Variants in PTPRM observed in about 807,000 individuals in gnomAD.
The protein encoded by PTPRM is protein tyrosine phosphatase receptor type M, also known as receptor-type tyrosine-protein phosphatase mu.
A neutral mutation model predicts 186.7 loss-of-function variants in PTPRM; 47 were observed. The ratio of observed to expected loss-of-function variants is 0.25; its 90% CI spans 0.20 to 0.32. The LOEUF is 0.32. Ranked by LOEUF, PTPRM falls within the 10% of genes least tolerant of loss-of-function variation. The probability of loss-of-function intolerance (pLI) is 1.00; values close to 1 mark genes in which losing one functional copy is unlikely to be tolerated. For missense variants in PTPRM, 1,494 were observed against 1,865.0 expected, an observed-to-expected ratio of 0.80 and a Z score of 3.66; for synonymous variants, 668 against 674.9, an observed-to-expected ratio of 0.99 and a Z score of 0.16.
chr18:8,145,340 T>C (rs1372992910), intron 14 of PTPRM, among the ~76,000 whole-genome samples: 1 of 152,182 alleles, frequency 6.6e-6, no homozygotes, highest in Admixed American at 6.5e-5. Flanking sequence ...TTCTTTATTA[T>C]ATTTTAAGTT....
Position 7,650,444 on chromosome 18 carries a change from T to TCC in PTPRM, c.73+82565_73+82566dup, listed in dbSNP as rs10707334. Among the ~76,000 whole-genome samples, 355 of 85,584 alleles carry TCC rather than the reference T, an allele frequency of 4.1e-3. 2 individuals carry two copies. The highest frequency in any genetic ancestry group is 9.3e-3 in the African/African-American group (244 of 26,116). 56.1% of individuals were successfully genotyped at this position (85,584 alleles called of 152,430 possible). A position where few individuals can be genotyped will look rare whatever the true frequency, so the allele number is the denominator to read the frequency against. ...TTGGAAACAATATACAACTTTCAAATCCCCCCCCCCCCCACTGTAATTTAT... is the reference window on the plus strand; with the variant it reads ...TTGGAAACAATATACAACTTTCAAATCCCCCCCCCCCCCCCACTGTAATTTAT... On this transcript the variant is annotated intron_variant, in intron 1 of 32. Coordinates refer to ENST00000580170, the MANE Select transcript of PTPRM (RefSeq NM_001105244.2).
intron 1 of PTPRM, among the ~76,000 whole-genome samples, chr18:7,573,547 A>G (rs906885019): frequency 2.6e-5 from 4 of 151,902 alleles, no homozygotes; most frequent in African/African-American, 9.7e-5. Context: ...AGTTGAAGAA[A>G]CGTTGTCCTG....
At chr18:8,179,083 T>G (rs1346519469) in intron 14 of PTPRM, among the ~76,000 whole-genome samples, 1 of 152,138 alleles carries the variant, frequency 6.6e-6, no homozygotes, top group Non-Finnish European at 1.5e-5. Flanking sequence ...TCTCTATAAG[T>G]CAGATTTGAT....
At chr18:7,602,153 T>C (rs2037418158) in intron 1 of PTPRM, among the ~76,000 whole-genome samples, 1 of 152,188 alleles carries the variant, frequency 6.6e-6, no homozygotes, top group Admixed American at 6.5e-5. Context: ...GTCTGTGCTC[T>C]TTAAAGTGGT....
intron 1 of PTPRM, among the ~76,000 whole-genome samples, chr18:7,654,463 T>C (rs2038801231): frequency 6.6e-6 from 1 of 152,220 alleles, no homozygotes; most frequent in African/African-American, 2.4e-5. Context: ...TTAGATCCTG[T>C]TTGTCAATTT....
chr18:7,617,898 C>A (rs1288150946), intron 1 of PTPRM, among the ~76,000 whole-genome samples: 1 of 152,128 alleles, frequency 6.6e-6, no homozygotes, highest in Non-Finnish European at 1.5e-5. Context: ...ATCTGGAATG[C>A]TGCCCTGGAC....
At chr18:8,147,099 G>A (rs1266219373) in intron 14 of PTPRM, among the ~76,000 whole-genome samples, 1 of 152,106 alleles carries the variant, frequency 6.6e-6, no homozygotes, top group Non-Finnish European at 1.5e-5. Context: ...CTCCAGTTTT[G>A]TTCTTTTTAC....
At chr18:8,223,681 T>A (rs988406920) in intron 14 of PTPRM, among the ~76,000 whole-genome samples, 1 of 152,180 alleles carries the variant, frequency 6.6e-6, no homozygotes, top group African/African-American at 2.4e-5. Flanking sequence ...TTTGCTGTCC[T>A]CTCCCCACAG....
chr18:8,275,362 G>A (rs1601590604), intron 19 of PTPRM, among the ~76,000 whole-genome samples: 1 of 152,092 alleles, frequency 6.6e-6, no homozygotes, highest in Non-Finnish European at 1.5e-5. Flanking sequence ...GAGGATCACT[G>A]GAGCCCAGTA....
intron 5 of PTPRM, among the ~76,000 whole-genome samples, chr18:7,931,671 G>A (rs528311135): frequency 3.3e-5 from 5 of 152,146 alleles, no homozygotes; most frequent in South Asian, 2.1e-4. Context: ...ACTGCACTCC[G>A]TCTCAAAAAA....
At chr18:8,021,936 A>T (rs1278776434) in intron 7 of PTPRM, among the ~76,000 whole-genome samples, 1 of 152,216 alleles carries the variant, frequency 6.6e-6, no homozygotes, top group Non-Finnish European at 1.5e-5. Context: ...ATATTTTCAG[A>T]TAAAATATAA....
intron 19 of PTPRM, among the ~76,000 whole-genome samples, chr18:8,267,531 A>C (rs1385979838): frequency 1.3e-4 from 20 of 152,160 alleles, no homozygotes; most frequent in Admixed American, 1.3e-3. Flanking sequence ...AAAGAGTTTC[A>C]TATCTTATTT....
intron 2 of PTPRM, among the ~76,000 whole-genome samples, chr18:7,869,868 G>A (rs528782910): frequency 1.1e-4 from 16 of 152,296 alleles, no homozygotes; most frequent in Admixed American, 5.9e-4. Flanking sequence ...TTGCTCTTCT[G>A]TAGCTCCTAA....
At chr18:7,619,625 G>T (rs2037888839) in intron 1 of PTPRM, among the ~76,000 whole-genome samples, 1 of 152,208 alleles carries the variant, frequency 6.6e-6, no homozygotes, top group Non-Finnish European at 1.5e-5. Context: ...CAGTTTGTCT[G>T]TTGAAGCTTC....
chr18:8,334,366 CCCACCTGAG>C (rs2148186392), intron 22 of PTPRM, among the ~76,000 whole-genome samples: 1 of 152,326 alleles, frequency 6.6e-6, no homozygotes, highest in Non-Finnish European at 1.5e-5. Flanking sequence ...GGTTCCTGAG[CCCACCTGAG>C]CCTCATTGCC....
chr18:8,290,570 A>C (rs182026185), intron 19 of PTPRM, among the ~76,000 whole-genome samples: 1 of 152,210 alleles, frequency 6.6e-6, no homozygotes, highest in Admixed American at 6.5e-5. Context: ...CATGTTTCCT[A>C]TTCAGAAAAA....
chr18:8,213,654 G>A (rs905640003), intron 14 of PTPRM, among the ~76,000 whole-genome samples: 3 of 152,266 alleles, frequency 2.0e-5, no homozygotes, highest in South Asian at 4.2e-4. Context: ...TCTGAAGAGT[G>A]CAGAAAGTCT....
At chr18:7,783,553 T>G (rs966603856) in intron 2 of PTPRM, among the ~76,000 whole-genome samples, 4 of 152,100 alleles carry the variant, frequency 2.6e-5, no homozygotes. Context: ...CAGTGCCCTC[T>G]CTTTTTATTA....
At chr18:7,594,592 C>T (rs573768149) in intron 1 of PTPRM, among the ~76,000 whole-genome samples, 15 of 152,102 alleles carry the variant, frequency 9.9e-5, no homozygotes, top group Non-Finnish European at 1.8e-4. Context: ...GTTTTAAGCT[C>T]GCCTGCTGTC....
Sources: gnomAD v4.1 joint callset for allele counts (sites outside exome capture counted in the v4.1 genomes callset) on GRCh38, gnomAD v4.1.1 for gene constraint, MANE v1.5 for transcripts, NCBI Gene and HGNC (gene_info 2026-07-23, HGNC 2026-07-21) for gene names.